Variants in BTRC observed in about 807,000 individuals in gnomAD.
BTRC encodes the protein beta-transducin repeat containing E3 ubiquitin protein ligase.
A neutral mutation model predicts 85.5 loss-of-function variants in BTRC; 42 were observed. The ratio of observed to expected loss-of-function variants is 0.49; its 90% CI spans 0.38 to 0.64. The LOEUF is 0.64. Among genes scored for constraint, BTRC ranks in the 30% least tolerant of loss-of-function variants. The probability of loss-of-function intolerance (pLI) is 0.00; values close to 1 mark genes in which losing one functional copy is unlikely to be tolerated. For missense variants in BTRC, 594 were observed against 743.5 expected (o/e 0.80, Z 2.34); for synonymous variants, 255 against 263.3 (o/e 0.97, Z 0.30).
chr10:101,464,955 A>G (rs573292894), intron 3 of BTRC, among the ~76,000 whole-genome samples: 25 of 152,294 alleles, frequency 1.6e-4, no homozygotes, highest in African/African-American at 5.3e-4. Context: ...GAAGCGGGTC[A>G]CAGGGCAGCT....
intron 1 of BTRC, among the ~76,000 whole-genome samples, chr10:101,387,129 T>G (rs1943099374): frequency 6.6e-6 from 1 of 152,166 alleles, no homozygotes; most frequent in South Asian, 2.1e-4. Flanking sequence ...ATTGTTCATT[T>G]ATTTATATCA....
At chr10:101,532,789 T>TGTGTGTGCGC (rs57980548) in intron 8 of BTRC, among the ~76,000 whole-genome samples, 163 bp from the exon 9 acceptor site, 8 of 78,238 alleles carry the variant, frequency 1.0e-4, no homozygotes, top group African/African-American at 2.6e-4. Context: ...TGTGTGTGTG[T>TGTGTGTGCGC]GCGCGTGTGC....
chr10:101,538,201 C>A, intron 12 of BTRC, 92 bp from the exon 13 acceptor site: 1 of 1,017,366 alleles, frequency 9.8e-7, no homozygotes, highest in Non-Finnish European at 1.6e-6. Context: ...TACTCACCAT[C>A]CATATTTATT....
At chr10:101,455,884 G>A (rs1182630040) in intron 2 of BTRC, among the ~76,000 whole-genome samples, 1 of 152,036 alleles carries the variant, frequency 6.6e-6, no homozygotes, top group Non-Finnish European at 1.5e-5. Context: ...GCTTACGCCT[G>A]TAATCCCAGG....
chr10:101,479,555 AT>A, intron 4 of BTRC, 98 bp downstream of exon 4: 1 of 936,766 alleles, frequency 1.1e-6, no homozygotes, highest in Non-Finnish European at 1.6e-6. Context: ...TTATTACAGG[AT>A]TATATAGTTA....
chr10:101,551,145 A>T, intron 14 of BTRC: 1 of 343,234 alleles, frequency 2.9e-6, no homozygotes, highest in Non-Finnish European at 5.3e-6. Context: ...TGCCCTAGTT[A>T]TCTAGTAGTA....
chr10:101,378,026 C>T (rs957466704), intron 1 of BTRC, among the ~76,000 whole-genome samples: 4 of 151,962 alleles, frequency 2.6e-5, no homozygotes, highest in Non-Finnish European at 5.9e-5. Context: ...TGATCAAGAT[C>T]GTGAACAAGA....
rs960978960 is a variant in BTRC, at chr10:101,369,219, AT to A, written c.48+15004del. Among the ~76,000 whole-genome samples the A allele has an allele frequency of 7.5e-3, 1,073 of 142,886 alleles. 14 individuals carry two copies. Among genetic ancestry groups the A allele is most frequent in the African/African-American group, 0.022 (857 of 39,114 alleles). The allele number at this position is 142,886 out of a possible 152,430, so 93.7% of individuals were successfully genotyped here. ...TTTTTTCCCCTATTGGAGTATTATT[AT>A]TTTTTTTTTTTTAAAGAGATGGGTT... is the stretch of plus-strand genomic sequence containing the variant. On this transcript the variant is annotated intron_variant, in intron 1 of 14. Coordinates refer to ENST00000370187, the MANE Select transcript of BTRC (RefSeq NM_033637.4).
At chr10:101,527,795 TACACACACAC>T (rs5787437) in intron 6 of BTRC, among the ~76,000 whole-genome samples, 4 of 145,326 alleles carry the variant, frequency 2.8e-5, no homozygotes, top group South Asian at 2.2e-4. Flanking sequence ...CTCTCTCACA[TACACACACAC>T]ACACACACAC....
rs2062361493 is a variant in BTRC, at chr10:101,534,877, C to T, written c.1314C>T (p.Tyr438=). The change falls in exon 10 of 15, where the codon TAC becomes TAT. Residue 438 remains tyrosine (Y), a synonymous_variant. Transcript: ENST00000370187. ...AVNVVDFDDK[Y]IVSASGDRTI... ...ATGTTGTAGACTTTGATGACAAGTA[C>T]ATTGTTTCTGCATCTGGGGATAGAA... is the stretch of plus-strand genomic sequence containing the variant. 2 of 1,613,954 alleles carry T rather than the reference C, an allele frequency of 1.2e-6. No individual in the cohort carries two copies. Among genetic ancestry groups the T allele is most frequent in the South Asian group, 2.2e-5 (2 of 91,078 alleles).
At chr10:101,418,029 A>G (rs1943992692) in intron 1 of BTRC, among the ~76,000 whole-genome samples, 1 of 152,178 alleles carries the variant, frequency 6.6e-6, no homozygotes, top group Non-Finnish European at 1.5e-5. Context: ...TTAGTTATCT[A>G]TTATTACATA....
intron 1 of BTRC, among the ~76,000 whole-genome samples, chr10:101,416,740 A>G (rs956278914): frequency 6.6e-6 from 1 of 152,182 alleles, no homozygotes; most frequent in Non-Finnish European, 1.5e-5. Context: ...AATTATACCC[A>G]GAATATCAGG....
chr10:101,450,009 A>T (rs1047357210), intron 2 of BTRC, among the ~76,000 whole-genome samples: 2 of 151,640 alleles, frequency 1.3e-5, no homozygotes, highest in African/African-American at 4.8e-5. Context: ...AAAAAAAAAA[A>T]CTACTTGAAA....
At chr10:101,487,698 T>G (rs1946025862) in intron 4 of BTRC, among the ~76,000 whole-genome samples, 1 of 152,160 alleles carries the variant, frequency 6.6e-6, no homozygotes, top group Non-Finnish European at 1.5e-5. Context: ...TCAGGTGGGG[T>G]AAGCAGGGAT....
chr10:101,428,951 C>T (rs903664558), intron 1 of BTRC, among the ~76,000 whole-genome samples: 3 of 152,280 alleles, frequency 2.0e-5, no homozygotes, highest in African/African-American at 7.2e-5. Flanking sequence ...CAGGCACAAA[C>T]CTCTTGCATG....
At chr10:101,539,903 T>A (rs1365299166) in intron 13 of BTRC, among the ~76,000 whole-genome samples, 1 of 152,230 alleles carries the variant, frequency 6.6e-6, no homozygotes, top group African/African-American at 2.4e-5. Flanking sequence ...TGATTAATAA[T>A]GTCAAGCATC....
chr10:101,381,474 G>A (rs752533270), intron 1 of BTRC, among the ~76,000 whole-genome samples: 5 of 152,184 alleles, frequency 3.3e-5, no homozygotes, highest in Non-Finnish European at 7.3e-5. Flanking sequence ...TCCAGTAAGA[G>A]AGTACACATA....
At chr10:101,541,736 A>AT (rs1223558106) in intron 13 of BTRC, among the ~76,000 whole-genome samples, 15 of 151,920 alleles carry the variant, frequency 9.9e-5, no homozygotes, top group African/African-American at 3.6e-4. Flanking sequence ...ATTACATTGA[A>AT]TTTTTTTTAG....
At chr10:101,436,917 T>C (rs1265183368) in intron 2 of BTRC, among the ~76,000 whole-genome samples, 2 of 152,202 alleles carry the variant, frequency 1.3e-5, no homozygotes, top group Non-Finnish European at 2.9e-5. Context: ...TTATTCATTA[T>C]ATATATGGAA....
Sources: allele counts gnomAD v4.1 joint callset (sites outside exome capture counted in the v4.1 genomes callset), GRCh38; gene constraint gnomAD v4.1.1; transcripts MANE v1.5; gene names NCBI Gene and HGNC (gene_info 2026-07-23, HGNC 2026-07-21).